The following DAB1 variants were observed in gnomAD, a reference collection of about 807,000 sequenced individuals.
DAB1 encodes DAB adaptor protein 1, also known as disabled homolog 1.
Under a neutral mutation model 64.6 loss-of-function variants are expected in DAB1, and 15 were observed. That is an observed-to-expected ratio of 0.23 (90% CI 0.16 to 0.36). DAB1 has a LOEUF of 0.36. DAB1 is among the 10% of genes least tolerant of loss of function. The pLI is 1.00. For synonymous variants in DAB1, 235 were observed against 251.9 expected, an observed-to-expected ratio of 0.93 and a Z score of 0.64; for missense variants, 596 against 706.7, an observed-to-expected ratio of 0.84 and a Z score of 1.78.
chr1:57,204,865 G>C (rs968228485), intron 2 of DAB1, among the ~76,000 whole-genome samples: 1 of 152,128 alleles, frequency 6.6e-6, no homozygotes, highest in African/African-American at 2.4e-5. Context: ...GGCCTAGAAG[G>C]CTTTGAAAAA....
At chr1:57,046,175 G>A (rs890209254) in intron 9 of DAB1, among the ~76,000 whole-genome samples, 1 of 152,148 alleles carries the variant, frequency 6.6e-6, no homozygotes, top group African/African-American at 2.4e-5. Context: ...TATCGAATTG[G>A]GGCTAAGGAA....
rs114818348 is a variant in DAB1 at position 57,310,572 on chromosome 1, C to T, written c.-136-19406G>A. On this transcript the variant is annotated intron_variant, in intron 1 of 14. Coordinates refer to ENST00000371236, the MANE Select transcript of DAB1 (RefSeq NM_001365792.1). ...TTGTGCCCAGAAGGCTAGGGTTTTC[C>T]GGGCTGGCTTCTCCAATCACTCCCC... 9.5e-3 allele frequency among the ~76,000 whole-genome samples: 1,447 copies of T among 152,190 alleles called. 17 individuals carry two copies. The highest frequency in any genetic ancestry group is 0.014 in the Non-Finnish European group (922 of 68,008).
intron 6 of DAB1, among the ~76,000 whole-genome samples, chr1:57,791,444 T>C (rs1650595518): frequency 1.3e-5 from 2 of 152,230 alleles, no homozygotes; most frequent in Non-Finnish European, 2.9e-5. Context: ...TAAAAGGATA[T>C]GACTATTTCA....
chr1:57,600,954 T>C (rs1388625447), intron 7 of DAB1, among the ~76,000 whole-genome samples: 1 of 152,198 alleles, frequency 6.6e-6, no homozygotes, highest in African/African-American at 2.4e-5. Context: ...TGTGGGTATT[T>C]GTTGCTCACC....
chr1:57,560,299 T>C (rs575821547), intron 7 of DAB1, among the ~76,000 whole-genome samples: 46 of 152,328 alleles, frequency 3.0e-4, no homozygotes, highest in African/African-American at 8.9e-4. Flanking sequence ...GTCCATTACA[T>C]TGATGATATT....
chr1:57,466,333 G>A (rs1686952324), intron 7 of DAB1, among the ~76,000 whole-genome samples: 1 of 151,984 alleles, frequency 6.6e-6, no homozygotes, highest in South Asian at 2.1e-4. Flanking sequence ...CTTCTTCAAT[G>A]TCTTCCAGTC....
chr1:57,899,452 C>T (rs577486055), intron 5 of DAB1, among the ~76,000 whole-genome samples: 1 of 152,216 alleles, frequency 6.6e-6, no homozygotes, highest in East Asian at 1.9e-4. Flanking sequence ...AATGATTATA[C>T]CCATTTTACA....
intron 4 of DAB1, among the ~76,000 whole-genome samples, chr1:58,276,348 GA>G (rs1216124674): frequency 2.6e-5 from 4 of 151,644 alleles, no homozygotes; most frequent in East Asian, 3.9e-4. Context: ...TTTTTTTAAA[GA>G]AAAAAAAGCA....
intron 1 of DAB1, among the ~76,000 whole-genome samples, chr1:57,322,624 A>C (rs919932798): frequency 2.6e-5 from 4 of 152,184 alleles, no homozygotes; most frequent in African/African-American, 9.7e-5. Flanking sequence ...TCATCATTAG[A>C]GGCCTCCACC....
In DAB1 at chr1:57,035,478, C is replaced by A. The variant is rs374326404; in HGVS notation, c.724-9435G>T. Among the ~76,000 whole-genome samples the A allele has an allele frequency of 3.3e-5, 5 of 152,038 alleles. No homozygotes were observed. The East Asian group carries it at 7.7e-4, about 23-fold the overall frequency. On this transcript the variant is annotated intron_variant, in intron 9 of 14. Coordinates refer to ENST00000371236, the MANE Select transcript of DAB1 (RefSeq NM_001365792.1). ...CACCTTCCTGGGAAAGGAGAGGTGG[C>A]CTTTGGAGAGGTGTGGAGCTGAGGT...
At chr1:57,128,135 G>A (rs1359851154) in intron 4 of DAB1, among the ~76,000 whole-genome samples, 2 of 150,266 alleles carry the variant, frequency 1.3e-5, no homozygotes, top group Non-Finnish European at 2.9e-5. Context: ...AGATAAGAGT[G>A]AGAGTCTCAA....
chr1:58,510,412 C>G (rs1470089169), intron 2 of DAB1, among the ~76,000 whole-genome samples: 1 of 151,800 alleles, frequency 6.6e-6, no homozygotes, highest in Non-Finnish European at 1.5e-5. Flanking sequence ...AAGCACTTGA[C>G]AAAATTAAAC....
At chr1:57,561,750 C>T (rs569260208) in intron 7 of DAB1, among the ~76,000 whole-genome samples, 1 of 152,328 alleles carries the variant, frequency 6.6e-6, no homozygotes, top group Non-Finnish European at 1.5e-5. Context: ...TGGACTTCCA[C>T]TCACCAAGGC....
At position 58,117,853 on chromosome 1, in the gene DAB1, TA is replaced by T. The variant is rs754369902; in HGVS notation, n.387+32657del. Among the ~76,000 whole-genome samples the T allele has an allele frequency of 5.1e-4, 77 of 149,658 alleles. 1 individual carries two copies. In the East Asian group the frequency reaches 6.7e-3, roughly 13 times the overall value. The stretch of plus-strand genomic sequence containing the variant: ...AGATATCATGCTTTGTTTTTTTTTT[TA>T]TATTTTTTTTAATATTTTTTTTCTG... On this transcript the variant is annotated intron_variant and non_coding_transcript_variant, in intron 5 of 20. Coordinates refer to the DAB1 transcript ENST00000485760.
At chr1:58,485,044 T>C (rs545048564) in intron 3 of DAB1, among the ~76,000 whole-genome samples, 4 of 152,108 alleles carry the variant, frequency 2.6e-5, no homozygotes, top group African/African-American at 4.8e-5. Context: ...CTAATGGACT[T>C]TGGGTGATAA....
chr1:57,724,800 TTCTCCTACTGCCCCA>T (rs1018171771), intron 6 of DAB1, among the ~76,000 whole-genome samples: 1 of 152,184 alleles, frequency 6.6e-6, no homozygotes, highest in African/African-American at 2.4e-5. Context: ...CTTCCCTTAA[TTCTCCTACTGCCCCA>T]TCTCCCTGGA....
chr1:57,657,302 C>T (rs563974879), intron 6 of DAB1, among the ~76,000 whole-genome samples: 1 of 152,272 alleles, frequency 6.6e-6, no homozygotes, highest in East Asian at 1.9e-4. Context: ...GGTAGCAGAG[C>T]CAGCATGTAC....
intron 4 of DAB1, among the ~76,000 whole-genome samples, chr1:57,078,999 G>A (rs1043618252): frequency 5.3e-5 from 8 of 152,050 alleles, no homozygotes; most frequent in African/African-American, 1.9e-4. Context: ...AAGCAGTACC[G>A]AAAAAATGAT....
rs115576210 is a variant in DAB1, at chr1:58,100,626, G to A, written n.387+49885C>T. ...ATGGTAATTCTATGTTTAACTTTTT[G>A]AGGTCCCACCAAACTGTTTTCTACC... On this transcript the variant is annotated intron_variant and non_coding_transcript_variant, in intron 5 of 20. Transcript: ENST00000485760. Among the ~76,000 whole-genome samples, 935 of 152,202 alleles carry A rather than the reference G, an allele frequency of 6.1e-3. 6 individuals carry two copies. The highest frequency in any genetic ancestry group is 0.022 in the African/African-American group (899 of 41,538).
Sources: allele counts gnomAD v4.1 joint callset (sites outside exome capture counted in the v4.1 genomes callset), GRCh38; gene constraint gnomAD v4.1.1; transcripts MANE v1.5; gene names NCBI Gene and HGNC (gene_info 2026-07-23, HGNC 2026-07-21).